SKAP2: variants seen among roughly 807,000 people sequenced by gnomAD.
The protein encoded by SKAP2 is src kinase-associated phosphoprotein 2.
A neutral mutation model predicts 54.9 loss-of-function variants in SKAP2; 28 were observed. The observed-to-expected ratio is 0.51, with a 90% CI of 0.38 to 0.70. SKAP2 has a LOEUF of 0.70. Ranked by LOEUF, SKAP2 falls within the 30% of genes least tolerant of loss-of-function variation. The pLI is 0.00. For missense variants in SKAP2, 356 were observed against 424.1 expected, an observed-to-expected ratio of 0.84 and a Z score of 1.41; for synonymous variants, 137 against 134.3, an observed-to-expected ratio of 1.02 and a Z score of -0.14.
chr7:26,778,752 A>C (rs1783365391), intron 4 of SKAP2, among the ~76,000 whole-genome samples: 1 of 152,032 alleles, frequency 6.6e-6, no homozygotes, highest in Admixed American at 6.6e-5. Flanking sequence ...GGGATCAAGT[A>C]ATGTAAACAT....
intron 4 of SKAP2, among the ~76,000 whole-genome samples, chr7:26,778,797 T>C (rs999068929): frequency 2.6e-5 from 4 of 151,504 alleles, no homozygotes; most frequent in African/African-American, 9.8e-5. Flanking sequence ...TATACATGTA[T>C]ATAATATATA....
chr7:26,848,857 A>G (rs1198622875), intron 3 of SKAP2, among the ~76,000 whole-genome samples: 1 of 152,208 alleles, frequency 6.6e-6, no homozygotes, highest in Non-Finnish European at 1.5e-5. Context: ...TAATTCTTCT[A>G]CAATAGGAGG....
At chr7:26,831,166 A>T (rs1369777077) in intron 4 of SKAP2, among the ~76,000 whole-genome samples, 1 of 152,162 alleles carries the variant, frequency 6.6e-6, no homozygotes, top group Non-Finnish European at 1.5e-5. Flanking sequence ...TATCAAGCTC[A>T]TGTATCAAAC....
intron 1 of SKAP2, among the ~76,000 whole-genome samples, chr7:26,856,442 C>T (rs1785165361): frequency 1.3e-5 from 2 of 152,164 alleles, no homozygotes; most frequent in African/African-American, 4.8e-5. Context: ...GTCACAGCTT[C>T]TCTTTCTTTG....
At chr7:26,831,572 A>G (rs1251964108) in intron 4 of SKAP2, among the ~76,000 whole-genome samples, 3 of 152,200 alleles carry the variant, frequency 2.0e-5, no homozygotes, top group Admixed American at 2.0e-4. Flanking sequence ...ACTCACATTT[A>G]ATATGTCTTT....
intron 11 of SKAP2, among the ~76,000 whole-genome samples, chr7:26,681,631 G>A (rs971130255): frequency 6.6e-6 from 1 of 152,126 alleles, no homozygotes; most frequent in Non-Finnish European, 1.5e-5. Flanking sequence ...ATCAAACAGT[G>A]ATAATTTGGT....
chr7:26,793,196 G>GA (rs1225306135), intron 4 of SKAP2, among the ~76,000 whole-genome samples: 1 of 152,160 alleles, frequency 6.6e-6, no homozygotes, highest in East Asian at 1.9e-4. Flanking sequence ...TTCTGCAAGT[G>GA]AAACAGGCAA....
chr7:26,717,399 A>C (rs551504426), intron 9 of SKAP2, among the ~76,000 whole-genome samples: 36 of 150,536 alleles, frequency 2.4e-4, no homozygotes, highest in Admixed American at 6.0e-4. Flanking sequence ...AGTTCCAGCT[A>C]CTTAGGAGGC....
At chr7:26,842,904 A>C (rs979786305) in intron 4 of SKAP2, among the ~76,000 whole-genome samples, 3 of 152,036 alleles carry the variant, frequency 2.0e-5, no homozygotes, top group Admixed American at 1.3e-4. Context: ...CTCCCTTTAA[A>C]AATAGAAATT....
At chr7:26,741,593 T>A (rs1782457633) in intron 4 of SKAP2, among the ~76,000 whole-genome samples, 1 of 151,214 alleles carries the variant, frequency 6.6e-6, no homozygotes. Context: ...TAAAATGAAA[T>A]AACTAAACAA....
At chr7:26,821,203 T>A (rs1399742885) in intron 4 of SKAP2, among the ~76,000 whole-genome samples, 1 of 152,056 alleles carries the variant, frequency 6.6e-6, no homozygotes, top group South Asian at 2.1e-4. Flanking sequence ...ATTATATAAG[T>A]TGCCAGGACA....
chr7:26,691,338 G>T (rs1260769903), intron 9 of SKAP2, among the ~76,000 whole-genome samples: 1 of 151,952 alleles, frequency 6.6e-6, no homozygotes, highest in African/African-American at 2.4e-5. Context: ...CTCACCTAAG[G>T]ATTTGCATAC....
chr7:26,776,905 T>G (rs1783323564), intron 4 of SKAP2, among the ~76,000 whole-genome samples: 1 of 152,146 alleles, frequency 6.6e-6, no homozygotes, highest in Admixed American at 6.6e-5. Context: ...CCACCTTCTC[T>G]CACCTCTGGC....
At chr7:26,689,665 T>C (rs192024087) in intron 10 of SKAP2, among the ~76,000 whole-genome samples, 2 of 152,314 alleles carry the variant, frequency 1.3e-5, no homozygotes, top group African/African-American at 4.8e-5. Flanking sequence ...TCTGTGTTAA[T>C]CATATGCAAT....
At chr7:26,703,903 G>A (rs1245069573) in intron 9 of SKAP2, among the ~76,000 whole-genome samples, 3 of 152,168 alleles carry the variant, frequency 2.0e-5, no homozygotes, top group African/African-American at 7.2e-5. Context: ...CACCCAGGCA[G>A]TCTGCCTCCA....
chr7:26,703,398 T>G (rs1033548658), intron 9 of SKAP2, among the ~76,000 whole-genome samples: 4 of 152,198 alleles, frequency 2.6e-5, no homozygotes, highest in Non-Finnish European at 5.9e-5. Context: ...TAAGTACATT[T>G]TAAGCTTCAA....
At chr7:26,666,686 T>C (rs1304064585), downstream of SKAP2, among the ~76,000 whole-genome samples, 1 of 152,186 alleles carries the variant, frequency 6.6e-6, no homozygotes, top group Non-Finnish European at 1.5e-5. Flanking sequence ...TTATCTGTAA[T>C]TAAATTAGCA....
At chr7:26,851,325 T>C (rs886512558) in intron 3 of SKAP2, among the ~76,000 whole-genome samples, 13 of 150,960 alleles carry the variant, frequency 8.6e-5, no homozygotes, top group African/African-American at 2.9e-4. Context: ...TACTATATAG[T>C]TCCATCTACT....
Position 26,686,054 on chromosome 7 carries a change from A to T in SKAP2, c.875-1206T>A, listed in dbSNP as rs527540969. The stretch of plus-strand genomic sequence containing the variant: ...TGATTCCAACACAACTAGTCAGATT[A>T]GCATGTCATTAGGGTGTTCATCTTA... On this transcript the variant is annotated intron_variant, in intron 10 of 12. Transcript: ENST00000345317. Among the ~76,000 whole-genome samples the T allele has an allele frequency of 2.6e-5, 4 of 152,300 alleles. No homozygotes were observed. In the South Asian group the frequency reaches 8.3e-4, roughly 32 times the overall value.
Sources: allele counts gnomAD v4.1 joint callset (sites outside exome capture counted in the v4.1 genomes callset), GRCh38; gene constraint gnomAD v4.1.1; transcripts MANE v1.5; gene names NCBI Gene and HGNC (gene_info 2026-07-23, HGNC 2026-07-21).